PCDHA4: variants seen among roughly 807,000 people sequenced by gnomAD.
PCDHA4 encodes the protein protocadherin alpha 4, also known as protocadherin alpha-4.
Under a neutral mutation model 61.4 loss-of-function variants are expected in PCDHA4, and 49 were observed. That is an observed-to-expected ratio of 0.80 (90% CI 0.63 to 1.01). The LOEUF (loss-of-function observed/expected upper bound fraction) is 1.01, where lower values mean the gene tolerates loss of function less well. Ranked by LOEUF, PCDHA4 falls within the 50% of genes least tolerant of loss-of-function variation. PCDHA4 has a pLI of 0.00. For missense variants in PCDHA4, 1,254 were observed against 1,235.8 expected (o/e 1.01, Z -0.22); for synonymous variants, 590 against 550.3 (o/e 1.07, Z -1.01).
chr5:140,992,226 G>A lies in PCDHA4; in HGVS notation c.2533+9663G>A, dbSNP rs926605843. On this transcript the variant is annotated intron_variant, in intron 3 of 3. Coordinates refer to ENST00000530339, the MANE Select transcript of PCDHA4 (RefSeq NM_018907.4). The stretch of plus-strand genomic sequence containing the variant: ...CAGATAAACTACTCTCCCTTCCTGG[G>A]AAGAGTAAGGAAGGAAGTAGAGCTA... Among the ~76,000 whole-genome samples the A allele has an allele frequency of 5.3e-5, 8 of 152,256 alleles. No individual in the cohort carries two copies. The East Asian group carries it at 1.5e-3, about 29-fold the overall frequency.
chr5:140,852,196 G>A lies in PCDHA4; in HGVS notation c.2385+42624G>A, dbSNP rs2150513230. The A allele has an allele frequency of 3.1e-5, 22 of 707,012 alleles. 1 individual carries two copies. The highest frequency in any genetic ancestry group is 1.9e-4 in the African/African-American group (10 of 51,666). The allele number at this position is 707,012 out of a possible 1,614,324, so 43.8% of individuals were successfully genotyped here. On this transcript the variant is annotated intron_variant, in intron 1 of 3. Transcript: ENST00000530339. ...AAATAACTATGAAAATGCCAGTAAC[G>A]TTTATTTAAAACAAAATATTTTAAT... is the stretch of plus-strand genomic sequence containing the variant.
At chr5:140,857,087 C>T (rs782316831) in intron 1 of PCDHA4, 8 of 1,597,160 alleles carry the variant, frequency 5.0e-6, no homozygotes, top group East Asian at 2.2e-5. Flanking sequence ...TGATAATTCA[C>T]CTGAGGTGAT....
At chr5:140,989,013 G>A (rs1171400170) in intron 3 of PCDHA4, 1 of 152,208 alleles carries the variant, frequency 6.6e-6, no homozygotes, top group Non-Finnish European at 1.5e-5. Context: ...ACTTATTATA[G>A]TTTCTTCAGT....
At chr5:140,828,815 T>C (rs2150159326) in intron 1 of PCDHA4, 1 of 1,614,204 alleles carries the variant, frequency 6.2e-7, no homozygotes, top group South Asian at 1.1e-5. Context: ...TGCTCCCACT[T>C]TCGAACAGTC....
chr5:140,866,420 T>C (rs2049348301), intron 1 of PCDHA4: 1 of 152,148 alleles, frequency 6.6e-6, no homozygotes, highest in African/African-American at 2.4e-5. Context: ...CAAATGTGTG[T>C]AGGTCTTTCA....
At chr5:140,980,279 AAAAGTACC>A (rs1554241598) in intron 2 of PCDHA4, among the ~76,000 whole-genome samples, 2 of 152,236 alleles carry the variant, frequency 1.3e-5, no homozygotes, top group African/African-American at 4.8e-5. Flanking sequence ...CCAACTCTTG[AAAAGTACC>A]AAAGCTATGA....
At chr5:140,829,947 G>T in intron 1 of PCDHA4, 3 of 1,613,996 alleles carry the variant, frequency 1.9e-6, no homozygotes, top group South Asian at 1.1e-5. Flanking sequence ...AGCAGCGCTC[G>T]CTTCCCGTTT....
At chr5:140,819,388 T>C (rs1251672675) in intron 1 of PCDHA4, among the ~76,000 whole-genome samples, 1 of 152,134 alleles carries the variant, frequency 6.6e-6, no homozygotes, top group Non-Finnish European at 1.5e-5. Context: ...TCTAAAGGCT[T>C]TTAGTGAATT....
At chr5:140,863,774 G>A (rs1581698877) in intron 1 of PCDHA4, 2 of 239,304 alleles carry the variant, frequency 8.4e-6, no homozygotes, top group African/African-American at 2.2e-5. Context: ...CGAGGCGGGC[G>A]GATCACTCGA....
Position 140,807,861 on chromosome 5 carries a change from C to T in PCDHA4, c.674C>T (p.Thr225Ile), listed in dbSNP as rs1764047058. 2 of 1,614,094 alleles carry T rather than the reference C, an allele frequency of 1.2e-6. No homozygotes were observed. The highest frequency in any genetic ancestry group is 1.7e-6 in the Non-Finnish European group (2 of 1,179,982). ...GGAGGCAAACCCGAGTTGACTGGCA[C>T]CGTTCAGTTACTCATCACAGTACTG... ...TDGGKPELTG[T>I]VQLLITVLDA... The change falls in exon 1 of 4, where the codon ACC becomes ATC. Residue 225 changes from threonine to isoleucine, a missense_variant. Physicochemically the swap from Thr to Ile is moderately conservative, Grantham distance 89 (BLOSUM62 -1). Transcript: ENST00000530339.
chr5:140,851,439 G>C (rs2042060539), intron 1 of PCDHA4: 1 of 927,140 alleles, frequency 1.1e-6, no homozygotes, highest in African/African-American at 1.8e-5. Flanking sequence ...GAAAACAGTT[G>C]CTCCACTTTA....
chr5:140,877,168 C>T lies in PCDHA4; in HGVS notation c.2385+67596C>T, dbSNP rs199567490. The T allele has an allele frequency of 1.0e-4, 161 of 1,613,836 alleles. No homozygotes were observed. In the African/African-American group the frequency reaches 2.0e-3, roughly 20 times the overall value. On this transcript the variant is annotated intron_variant, in intron 1 of 3. Coordinates refer to ENST00000530339, the MANE Select transcript of PCDHA4 (RefSeq NM_018907.4). ...CGAGAACGACAACGCGCCGGCACTG[C>T]TGGCGACTCCGGCTGGCAGCGCAGG...
At chr5:140,829,688 T>C in intron 1 of PCDHA4, 1 of 1,613,234 alleles carries the variant, frequency 6.2e-7, no homozygotes, top group Non-Finnish European at 8.5e-7. Flanking sequence ...GCTGCTGCAG[T>C]TTCAGGTGAG....
intron 1 of PCDHA4, chr5:140,850,121 G>T (rs2150468757): frequency 6.3e-7 from 1 of 1,595,960 alleles, no homozygotes; most frequent in Non-Finnish European, 8.6e-7. Flanking sequence ...ACGCGGGCGT[G>T]CCGCCTCTGG....
intron 1 of PCDHA4, chr5:140,928,441 C>A: frequency 4.3e-6 from 7 of 1,614,140 alleles, no homozygotes; most frequent in Non-Finnish European, 5.9e-6. Context: ...TGACTTTGAG[C>A]AGCTCAGGGG....
At position 140,927,035 on chromosome 5, in the gene PCDHA4, C is replaced by A. The variant is rs1554203936; in HGVS notation, c.2386-51914C>A. 2 of 1,612,296 alleles carry A rather than the reference C, an allele frequency of 1.2e-6. No homozygotes were observed. The highest frequency in any genetic ancestry group is 1.7e-6 in the Non-Finnish European group (2 of 1,178,902). Reference sequence around the variant, plus strand: ...TCCGCGGACTTGAGGCTGCCAGCGGCCGCTATGTCCTCGCGGAACTTTCGC... The same window carrying A: ...TCCGCGGACTTGAGGCTGCCAGCGGACGCTATGTCCTCGCGGAACTTTCGC... On this transcript the variant is annotated intron_variant, in intron 1 of 3. Transcript: ENST00000530339.
rs1254139233 is a variant in PCDHA4 at position 140,846,802 on chromosome 5, C to T, written c.2385+37230C>T. On this transcript the variant is annotated intron_variant, in intron 1 of 3. Transcript: ENST00000530339. Reference sequence around the variant, plus strand: ...ATTATTACTGAGCCCCAGCCCCTGGCTTTAAAATTTGAGGTCAAATAAAGA... The same window carrying T: ...ATTATTACTGAGCCCCAGCCCCTGGTTTTAAAATTTGAGGTCAAATAAAGA... Among the ~76,000 whole-genome samples the T allele has an allele frequency of 4.7e-5, 7 of 149,432 alleles. 1 individual carries two copies. The highest frequency in any genetic ancestry group is 1.7e-4 in the African/African-American group (7 of 40,714).
chr5:141,000,383 CTCTCTCTCTCTCTA>C (rs1438422699), intron 3 of PCDHA4, among the ~76,000 whole-genome samples: 4 of 63,178 alleles, frequency 6.3e-5, no homozygotes, highest in African/African-American at 2.9e-4. Context: ...CTCTCTCTCT[CTCTCTCTCTCTCTA>C]TATATATATA....
At chr5:140,903,386 T>C (rs1053060392) in intron 1 of PCDHA4, among the ~76,000 whole-genome samples, 3 of 152,222 alleles carry the variant, frequency 2.0e-5, no homozygotes, top group Non-Finnish European at 4.4e-5. Context: ...TTGTGGTTAC[T>C]TCTAGAAACA....
Sources: gnomAD v4.1 joint callset for allele counts (sites outside exome capture counted in the v4.1 genomes callset) on GRCh38, gnomAD v4.1.1 for gene constraint, MANE v1.5 for transcripts, NCBI Gene and HGNC (gene_info 2026-07-23, HGNC 2026-07-21) for gene names.